Variants in NBPF15 observed in about 807,000 individuals in gnomAD.
NBPF15 encodes the protein NBPF member 15, also known as NBPF family member NBPF15.
In NBPF15, 74 loss-of-function variants were observed where a neutral mutation model predicts 62.2. That is an observed-to-expected ratio of 1.19 (90% CI 0.99 to 1.44). NBPF15 has a LOEUF of 1.44. Ranked by LOEUF, NBPF15 falls within the 40% of genes most tolerant of loss-of-function variation. The pLI is 0.00. For synonymous variants in NBPF15, 244 were observed against 209.7 expected (o/e 1.16, Z -1.41); for missense variants, 790 against 550.0 (o/e 1.44, Z -4.36).
At chr1:144,428,521 T>G (rs1671689619) in intron 15 of NBPF15, 85 bp downstream of exon 15, 1 of 759,008 alleles carries the variant, frequency 1.3e-6, no homozygotes. Context: ...ACAAAATCAT[T>G]ATTTTCAGCA....
Position 144,427,222 on chromosome 1 carries a change from G to C in NBPF15, c.1214-124C>G. On this transcript the variant is annotated intron_variant, in intron 16 of 21. Transcript: ENST00000581897. ...AGCATGAGAATAGGACACTGTGAGA[G>C]ATATTCTTCAAGAGGCCTGAAGGCT... The C allele has an allele frequency of 7.3e-6, 5 of 681,898 alleles. No individual in the cohort carries two copies. The Middle Eastern group carries it at 2.0e-3, about 275-fold the overall frequency. The allele number at this position is 681,898 out of a possible 1,614,324, so 42.2% of individuals were successfully genotyped here.
chr1:144,461,099 G>C (rs1380643585), intron 1 of NBPF15, 138 bp from the exon 2 acceptor site: 3 of 151,288 alleles, frequency 2.0e-5, no homozygotes, highest in Admixed American at 6.6e-5. Context: ...GCGGGGTCAG[G>C]GTCCTCCACA....
At chr1:144,437,546 G>A (rs373915953) in intron 9 of NBPF15, among the ~76,000 whole-genome samples, 53 of 149,598 alleles carry the variant, frequency 3.5e-4, no homozygotes, top group African/African-American at 9.3e-4. Flanking sequence ...TGACAGGGTC[G>A]AGAAGGCAAC....
intron 16 of NBPF15, among the ~76,000 whole-genome samples, chr1:144,427,557 A>G (rs1670647727): frequency 6.8e-6 from 1 of 147,552 alleles, no homozygotes. Context: ...AATTTGTCAC[A>G]TCTGCCCAGG....
rs1256232575 is a variant in NBPF15, at chr1:144,423,723, T to C, written c.1769+147A>G. On this transcript the variant is annotated intron_variant, in intron 21 of 21. Coordinates refer to ENST00000581897, the MANE Select transcript of NBPF15 (RefSeq NM_001385408.1). Reference sequence around the variant, plus strand: ...GGAGGAAGAAATGGAAACCTAAACATCTACTGCAATGAAAACCAACAGCAA... The same window carrying C: ...GGAGGAAGAAATGGAAACCTAAACACCTACTGCAATGAAAACCAACAGCAA... 6 of 679,870 alleles carry C rather than the reference T, an allele frequency of 8.8e-6. 1 individual carries two copies. Among genetic ancestry groups the C allele is most frequent in the Non-Finnish European group, 1.6e-5 (6 of 381,220 alleles). 42.1% of individuals were successfully genotyped at this position (679,870 alleles called of 1,614,324 possible). A position where few individuals can be genotyped will look rare whatever the true frequency, so the allele number is the denominator to read the frequency against.
chr1:144,429,148 G>A (rs1466620639), intron 14 of NBPF15, among the ~76,000 whole-genome samples: 3,060 of 150,096 alleles, frequency 0.02, 107 homozygotes, highest in African/African-American at 0.073. Flanking sequence ...AAAGTCAGCC[G>A]TTTATCTAGA....
At chr1:144,445,065 T>A (rs1553543633) in intron 6 of NBPF15, among the ~76,000 whole-genome samples, 1 of 151,486 alleles carries the variant, frequency 6.6e-6, no homozygotes, top group African/African-American at 2.4e-5. Flanking sequence ...TTCTTATGGA[T>A]ATGTACTGGT....
At chr1:144,442,160 GTGTATATA>G (rs1553542857) in intron 6 of NBPF15, among the ~76,000 whole-genome samples, 2 of 930 alleles carry the variant, frequency 2.2e-3, no homozygotes, top group Non-Finnish European at 5.2e-3. Context: ...ATATATACAC[GTGTATATA>G]TATATATATA....
At chr1:144,428,103 C>T (rs1452072104) in intron 15 of NBPF15, 113 bp from the exon 16 acceptor site, 8 of 708,294 alleles carry the variant, frequency 1.1e-5, no homozygotes, top group Non-Finnish European at 2.1e-5. Context: ...AAGGACAGAT[C>T]CATTAATGAG....
At position 144,426,413 on chromosome 1, in the gene NBPF15, C is replaced by G; in HGVS notation, c.1303G>C (p.Val435Leu). ...CATCTATCCAGTGAGTCCTGCAAGA[C>G]TTCAGGCTCTTTCTCATCCAGCAGC... ...RELLDEKEPE[V>L]LQDSLDRCYS... Residue 435 changes from valine (V) to leucine (L), a missense_variant, in exon 18 of 22, where the codon GTC becomes CTC. Coordinates refer to ENST00000581897, the MANE Select transcript of NBPF15 (RefSeq NM_001385408.1). 1 of 793,460 alleles carries G rather than the reference C, an allele frequency of 1.3e-6. No individual in the cohort carries two copies. The highest frequency in any genetic ancestry group is 2.3e-6 in the Non-Finnish European group (1 of 433,174). The allele number at this position is 793,460 out of a possible 1,614,324, so 49.2% of individuals were successfully genotyped here.
At chr1:144,444,292 GC>G (rs1685660093) in intron 6 of NBPF15, among the ~76,000 whole-genome samples, 1 of 149,554 alleles carries the variant, frequency 6.7e-6, no homozygotes, top group East Asian at 1.9e-4. Context: ...AGAAGCCAGT[GC>G]CCTTATACAA....
chr1:144,442,095 C>CACACGTGTATATATATATATAATATATAT (rs1553542791), intron 6 of NBPF15, among the ~76,000 whole-genome samples: 683 of 54,652 alleles, frequency 0.012, 272 homozygotes, highest in East Asian at 0.022. Context: ...ACAAACATGG[C>CACACGTGTATATATATATATAATATATAT]ACACGTGTAT....
intron 6 of NBPF15, among the ~76,000 whole-genome samples, chr1:144,440,837 T>C (rs1423060715): frequency 7.3e-5 from 11 of 151,330 alleles, no homozygotes; most frequent in African/African-American, 1.5e-4. Flanking sequence ...TTTTCTTTTT[T>C]TTTTTGTATT....
intron 6 of NBPF15, among the ~76,000 whole-genome samples, chr1:144,440,810 G>T (rs1553542525): frequency 6.6e-6 from 1 of 150,678 alleles, no homozygotes; most frequent in East Asian, 2.0e-4. Context: ...CCGCCACCAC[G>T]CCCGGCTAAT....
chr1:144,434,997 AG>A, intron 12 of NBPF15, 113 bp downstream of exon 12: 1 of 1,591,450 alleles, frequency 6.3e-7, no homozygotes, highest in South Asian at 1.1e-5. Context: ...ATATCTGTTT[AG>A]AAACCCATCA....
intron 3 of NBPF15, among the ~76,000 whole-genome samples, chr1:144,458,089 G>GAA (rs1222561766): frequency 7.6e-6 from 1 of 131,790 alleles, no homozygotes; most frequent in Non-Finnish European, 1.7e-5. Context: ...ACTGTCTCAA[G>GAA]AAAAAAAAAA....
intron 13 of NBPF15, among the ~76,000 whole-genome samples, chr1:144,433,290 A>G: frequency 6.6e-6 from 1 of 152,104 alleles, no homozygotes; most frequent in African/African-American, 2.4e-5. Context: ...TCTCTGAGAC[A>G]CATTTAAAGC....
At chr1:144,446,303 C>T (rs1213877570) in intron 6 of NBPF15, among the ~76,000 whole-genome samples, 1 of 147,272 alleles carries the variant, frequency 6.8e-6, no homozygotes, top group African/African-American at 2.7e-5. Context: ...CACTACTAAA[C>T]TCACTGATTA....
At chr1:144,432,199 C>T (rs1309533551) in intron 13 of NBPF15, among the ~76,000 whole-genome samples, 1 of 151,942 alleles carries the variant, frequency 6.6e-6, no homozygotes, top group East Asian at 1.9e-4. Flanking sequence ...ATTTCATATC[C>T]AGCCAAACAA....
Sources: allele counts gnomAD v4.1 joint callset (sites outside exome capture counted in the v4.1 genomes callset), GRCh38; gene constraint gnomAD v4.1.1; transcripts MANE v1.5; gene names NCBI Gene and HGNC (gene_info 2026-07-23, HGNC 2026-07-21).